MON2: variants seen among roughly 807,000 people sequenced by gnomAD.
MON2 encodes MON2 regulator of endosome-to-Golgi trafficking, also known as protein MON2 homolog.
A neutral mutation model predicts 208.6 loss-of-function variants in MON2; 84 were observed. That is an observed-to-expected ratio of 0.40 (90% CI 0.34 to 0.48). MON2 has a LOEUF of 0.48. MON2 is among the 20% of genes least tolerant of loss of function. The pLI is 0.59. For missense variants in MON2, 1,611 were observed against 2,015.4 expected, an observed-to-expected ratio of 0.80 and a Z score of 3.84; for synonymous variants, 660 against 694.0, an observed-to-expected ratio of 0.95 and a Z score of 0.77.
At chr12:62,480,179 C>T (rs1174681644) in intron 1 of MON2, among the ~76,000 whole-genome samples, 1 of 152,128 alleles carries the variant, frequency 6.6e-6, no homozygotes, top group Non-Finnish European at 1.5e-5. Flanking sequence ...ATATCTAAGG[C>T]AACAAACAGT....
At chr12:62,547,167 G>T in intron 22 of MON2, 95 bp downstream of exon 22, 2 of 812,216 alleles carry the variant, frequency 2.5e-6, no homozygotes, top group Non-Finnish European at 3.4e-6. Context: ...AGGTAGAGAA[G>T]GACTCCATCC....
chr12:62,588,607 T>C (rs908255154), intron 34 of MON2, among the ~76,000 whole-genome samples: 3 of 152,216 alleles, frequency 2.0e-5, no homozygotes, highest in African/African-American at 7.2e-5. Flanking sequence ...GTCCAGTCCA[T>C]TCTTTACATG....
chr12:62,470,836 T>A, intron 1 of MON2: 2 of 723,246 alleles, frequency 2.8e-6, no homozygotes, highest in South Asian at 4.7e-5. Context: ...CATTAGAGCT[T>A]TTTGAAAGAG....
intron 34 of MON2, among the ~76,000 whole-genome samples, chr12:62,590,881 C>T (rs1456464224): frequency 6.6e-5 from 10 of 152,168 alleles, no homozygotes; most frequent in Admixed American, 3.9e-4. Context: ...TTGGCCAGGC[C>T]TGACCTCAGG....
intron 2 of MON2, among the ~76,000 whole-genome samples, chr12:62,492,905 G>A (rs1438046597): frequency 6.6e-6 from 1 of 151,752 alleles, no homozygotes; most frequent in African/African-American, 2.4e-5. Flanking sequence ...CTTGAACCGG[G>A]GAGTCGGAGG....
chr12:62,475,377 C>T (rs1156306123), intron 1 of MON2, among the ~76,000 whole-genome samples: 3 of 152,008 alleles, frequency 2.0e-5, no homozygotes, highest in African/African-American at 7.2e-5. Flanking sequence ...GCTGGGATTA[C>T]AGGCGCCCGC....
At chr12:62,504,463 G>A (rs910903583) in intron 7 of MON2, among the ~76,000 whole-genome samples, 3 of 151,886 alleles carry the variant, frequency 2.0e-5, no homozygotes, top group African/African-American at 7.3e-5. Context: ...TGGCCAGGAT[G>A]GTCTCGATCT....
Position 62,566,022 on chromosome 12 carries a change from A to G in MON2, c.4185A>G (p.Leu1395=), listed in dbSNP as rs936462406. ...IANAKYNQIQ[L]FAPAEWVALN... ...CAATGGAATCACAATAGATCCAACT[A>G]TTTGCACCGGTGAGTTAAATTTCCT... Residue 1395 remains leucine (L), a synonymous_variant, in exon 28 of 35, where the codon CTA becomes CTG. Transcript: ENST00000393630. 1.1e-5 allele frequency: 17 copies of G among 1,611,046 alleles called. No homozygotes were observed. Among genetic ancestry groups the G allele is most frequent in the South Asian group, 1.1e-5 (1 of 90,554 alleles).
Position 62,595,497 on chromosome 12 carries a change from T to C in MON2, c.*2748T>C, listed in dbSNP as rs982074503. On this transcript the variant is annotated 3_prime_UTR_variant, in exon 35 of 35. Transcript: ENST00000393630. ...GTCACTTGCTGTCACTGCCAGTGCC[T>C]GTTTTATTCATATTGCTGGACAACA... 6.6e-6 allele frequency: 1 copy of C among 152,210 alleles called. No individual in the cohort carries two copies. The highest frequency in any genetic ancestry group is 2.4e-5 in the African/African-American group (1 of 41,452). The allele number at this position is 152,210 out of a possible 1,614,324, so 9.4% of individuals were successfully genotyped here.
At position 62,592,885 on chromosome 12, in the gene MON2, C is replaced by T. The variant is rs1169034504; in HGVS notation, c.*136C>T. On this transcript the variant is annotated 3_prime_UTR_variant, in exon 35 of 35. Coordinates refer to ENST00000393630, the MANE Select transcript of MON2 (RefSeq NM_015026.3). ...GTTGGCCTCCTTTAAATTCTACTTA[C>T]CTGAGTTCAGTAATTCATATTACAG... 4 of 823,262 alleles carry T rather than the reference C, an allele frequency of 4.9e-6. No homozygotes were observed. In the African/African-American group the frequency reaches 6.8e-5, roughly 14 times the overall value. The allele number at this position is 823,262 out of a possible 1,614,324, so 51.0% of individuals were successfully genotyped here.
chr12:62,474,742 T>C (rs991561013), intron 1 of MON2, among the ~76,000 whole-genome samples: 10 of 152,206 alleles, frequency 6.6e-5, no homozygotes, highest in Non-Finnish European at 1.0e-4. Flanking sequence ...CTTCTTGTAA[T>C]TGAACTGGTC....
In MON2 at chr12:62,508,310, A is replaced by G. The variant is rs1424840827; in HGVS notation, c.814A>G (p.Lys272Glu). Residue 272 changes from lysine to glutamate, a missense_variant, in exon 8 of 35, where the codon AAA (lysine) becomes GAA (glutamate). Transcript: ENST00000393630. ...GCACCAAGAATTTAGTTTCCTCCTC[A>G]AAGAAAGGGTATGTCCTCTTGTGAT... ...LQHQEFSFLLKERVCPLVIKL... is the reference protein window; with the variant it reads ...LQHQEFSFLLEERVCPLVIKL... 6.2e-7 allele frequency: 1 copy of G among 1,612,712 alleles called. No individual in the cohort carries two copies. The highest frequency in any genetic ancestry group is 8.5e-7 in the Non-Finnish European group (1 of 1,179,492).
intron 32 of MON2, among the ~76,000 whole-genome samples, 163 bp from the exon 33 acceptor site, chr12:62,585,131 A>C (rs1053465453): frequency 2.7e-5 from 4 of 150,276 alleles, no homozygotes; most frequent in Admixed American, 1.3e-4. Flanking sequence ...AAAACAAAAA[A>C]AAAACACATT....
chr12:62,581,166 T>C (rs1592458709), intron 32 of MON2, among the ~76,000 whole-genome samples: 1 of 152,258 alleles, frequency 6.6e-6, no homozygotes, highest in Non-Finnish European at 1.5e-5. Flanking sequence ...CATTATATCA[T>C]GCTGCCTTAA....
chr12:62,574,983 A>G (rs1054661955), intron 30 of MON2, among the ~76,000 whole-genome samples: 20 of 152,102 alleles, frequency 1.3e-4, no homozygotes, highest in African/African-American at 4.3e-4. Context: ...AAAATTAGCC[A>G]GATATGGTGG....
intron 12 of MON2, among the ~76,000 whole-genome samples, chr12:62,533,795 C>T (rs1179053456): frequency 6.6e-6 from 1 of 152,216 alleles, no homozygotes; most frequent in Non-Finnish European, 1.5e-5. Flanking sequence ...CACACAAGCA[C>T]ACGTCTCTGT....
intron 7 of MON2, among the ~76,000 whole-genome samples, chr12:62,502,706 A>G (rs1014469640): frequency 6.6e-6 from 1 of 152,192 alleles, no homozygotes; most frequent in East Asian, 1.9e-4. Context: ...AATGGAAAAC[A>G]ACTAAAGTCC....
chr12:62,470,655 T>C, intron 1 of MON2: 1 of 891,240 alleles, frequency 1.1e-6, no homozygotes, highest in Non-Finnish European at 1.4e-6. Flanking sequence ...GCTTTATGTT[T>C]ATGTATTTCA....
At chr12:62,526,337 T>G (rs2072327832) in intron 11 of MON2, among the ~76,000 whole-genome samples, 2 of 152,210 alleles carry the variant, frequency 1.3e-5, no homozygotes, top group Admixed American at 1.3e-4. Context: ...TCTTTACATA[T>G]GGACCTATTA....
Sources: gnomAD v4.1 joint callset for allele counts (sites outside exome capture counted in the v4.1 genomes callset) on GRCh38, gnomAD v4.1.1 for gene constraint, MANE v1.5 for transcripts, NCBI Gene and HGNC (gene_info 2026-07-23, HGNC 2026-07-21) for gene names.